MAPKAP1: variants seen among roughly 807,000 people sequenced by gnomAD.
MAPKAP1 encodes target of rapamycin complex 2 subunit MAPKAP1.
In MAPKAP1, 20 loss-of-function variants were observed where a neutral mutation model predicts 65.7. The observed-to-expected ratio is 0.30, with a 90% CI of 0.21 to 0.44. MAPKAP1 has a LOEUF of 0.44. Ranked by LOEUF, MAPKAP1 falls within the 20% of genes least tolerant of loss-of-function variation. MAPKAP1 has a pLI of 1.00. For synonymous variants in MAPKAP1, 222 were observed against 244.3 expected (o/e 0.91, Z 0.85); for missense variants, 423 against 648.0 (o/e 0.65, Z 3.77).
chr9:125,497,055 T>C (rs1196798111), intron 8 of MAPKAP1, among the ~76,000 whole-genome samples: 6 of 152,126 alleles, frequency 3.9e-5, no homozygotes, highest in African/African-American at 9.7e-5. Flanking sequence ...AACGAGCCCA[T>C]GGAGGGGCAG....
At chr9:125,645,180 C>A (rs961382395) in intron 4 of MAPKAP1, among the ~76,000 whole-genome samples, 2 of 152,164 alleles carry the variant, frequency 1.3e-5, no homozygotes, top group East Asian at 1.9e-4. Context: ...GAAGAGCAGG[C>A]CTCTGCCCAG....
intron 9 of MAPKAP1, among the ~76,000 whole-genome samples, chr9:125,484,189 C>T (rs1854413707): frequency 6.6e-6 from 1 of 152,174 alleles, no homozygotes; most frequent in African/African-American, 2.4e-5. Flanking sequence ...TGGAACTTCA[C>T]CGAAGTCAAT....
chr9:125,510,304 T>C (rs1317017624), intron 7 of MAPKAP1, among the ~76,000 whole-genome samples: 3 of 152,232 alleles, frequency 2.0e-5, no homozygotes, highest in African/African-American at 4.8e-5. Context: ...GTTTATACCA[T>C]AAATAAAGGT....
intron 4 of MAPKAP1, among the ~76,000 whole-genome samples, chr9:125,606,097 T>G (rs778391275): frequency 6.6e-6 from 1 of 152,124 alleles, no homozygotes; most frequent in Non-Finnish European, 1.5e-5. Flanking sequence ...AAATAATTTT[T>G]AGTGCCAGAA....
chr9:125,652,475 A>G (rs1453319090), intron 4 of MAPKAP1, among the ~76,000 whole-genome samples: 1 of 152,206 alleles, frequency 6.6e-6, no homozygotes, highest in Non-Finnish European at 1.5e-5. Context: ...CCAAGCAATT[A>G]GCACTCATGA....
At chr9:125,468,792 T>C (rs538174484) in intron 9 of MAPKAP1, among the ~76,000 whole-genome samples, 2 of 152,308 alleles carry the variant, frequency 1.3e-5, no homozygotes, top group South Asian at 4.1e-4. Flanking sequence ...GCACTGGGTG[T>C]GAGTTTTACG....
chr9:125,529,782 C>T (rs758928975), intron 7 of MAPKAP1, among the ~76,000 whole-genome samples: 2 of 152,228 alleles, frequency 1.3e-5, no homozygotes, highest in East Asian at 1.9e-4. Flanking sequence ...GATGCTGATA[C>T]GTCCTCTCCC....
At chr9:125,538,529 AT>A (rs36039886) in intron 7 of MAPKAP1, among the ~76,000 whole-genome samples, 9,184 of 145,334 alleles carry the variant, frequency 0.063, 843 homozygotes, top group African/African-American at 0.21. Flanking sequence ...TTTTACTACA[AT>A]TTTTTTTTTT....
chr9:125,512,340 C>T (rs1373860333), intron 7 of MAPKAP1, among the ~76,000 whole-genome samples: 1 of 152,186 alleles, frequency 6.6e-6, no homozygotes, highest in Non-Finnish European at 1.5e-5. Flanking sequence ...CTGTACTTCC[C>T]TGGAGCAAAG....
intron 4 of MAPKAP1, among the ~76,000 whole-genome samples, chr9:125,615,538 C>CAAAAAAAAAAAAAAAAA (rs58426049): frequency 9.0e-6 from 1 of 110,754 alleles, no homozygotes; most frequent in African/African-American, 3.9e-5. Flanking sequence ...ACTAAAAATA[C>CAAAAAAAAAAAAAAAAA]AAAAAAAAAA....
chr9:125,607,154 G>C (rs1408372409), intron 4 of MAPKAP1, among the ~76,000 whole-genome samples: 1 of 151,698 alleles, frequency 6.6e-6, no homozygotes, highest in African/African-American at 2.4e-5. Context: ...ACATTAAACT[G>C]AATCATATGA....
chr9:125,609,334 G>GT (rs1832531420), intron 4 of MAPKAP1, among the ~76,000 whole-genome samples: 1 of 152,140 alleles, frequency 6.6e-6, no homozygotes. Flanking sequence ...ACCCAAAGGG[G>GT]TAGGGATATA....
chr9:125,588,933 T>C (rs960744962), intron 4 of MAPKAP1, among the ~76,000 whole-genome samples: 1 of 152,202 alleles, frequency 6.6e-6, no homozygotes, highest in African/African-American at 2.4e-5. Context: ...ACCCTCAATA[T>C]ACCAGCACGT....
intron 4 of MAPKAP1, among the ~76,000 whole-genome samples, chr9:125,586,142 G>T (rs1326657359): frequency 1.3e-5 from 2 of 152,160 alleles, no homozygotes; most frequent in African/African-American, 4.8e-5. Flanking sequence ...ACTCTCCCAG[G>T]AAGGATTTAG....
intron 4 of MAPKAP1, among the ~76,000 whole-genome samples, chr9:125,613,254 C>T (rs1832654885): frequency 1.3e-5 from 2 of 152,160 alleles, no homozygotes; most frequent in African/African-American, 2.4e-5. Context: ...CCAAGCAGCA[C>T]CAAGGGTGGA....
chr9:125,558,307 T>TATC (rs1396623702), intron 6 of MAPKAP1, among the ~76,000 whole-genome samples: 1 of 152,246 alleles, frequency 6.6e-6, no homozygotes, highest in Non-Finnish European at 1.5e-5. Context: ...TTATTTTAAA[T>TATC]ATCCTTTAAA....
chr9:125,487,267 T>G (rs925546378), intron 8 of MAPKAP1, among the ~76,000 whole-genome samples: 2 of 152,194 alleles, frequency 1.3e-5, no homozygotes, highest in Non-Finnish European at 2.9e-5. Flanking sequence ...TGATCCTGAT[T>G]ACCACTCTCT....
intron 9 of MAPKAP1, among the ~76,000 whole-genome samples, chr9:125,470,636 C>A (rs1853874928): frequency 6.6e-6 from 1 of 152,230 alleles, no homozygotes; most frequent in African/African-American, 2.4e-5. Flanking sequence ...AAGCTCTGCA[C>A]AGCCACAGAA....
chr9:125,647,989 C>T (rs1403096123), intron 4 of MAPKAP1, among the ~76,000 whole-genome samples: 2 of 148,476 alleles, frequency 1.3e-5, no homozygotes, highest in African/African-American at 5.0e-5. Flanking sequence ...GATGCAGTAA[C>T]TTGCCCAATC....
Sources: allele counts gnomAD v4.1 joint callset (sites outside exome capture counted in the v4.1 genomes callset), GRCh38; gene constraint gnomAD v4.1.1; transcripts MANE v1.5; gene names NCBI Gene and HGNC (gene_info 2026-07-23, HGNC 2026-07-21).